HK1: variants seen among roughly 807,000 people sequenced by gnomAD.
HK1 encodes the protein hexokinase-1.
In HK1, 28 loss-of-function variants were observed where a neutral mutation model predicts 91.6. The ratio of observed to expected loss-of-function variants is 0.31; its 90% CI spans 0.23 to 0.42. The LOEUF (loss-of-function observed/expected upper bound fraction) is 0.42, where lower values mean the gene tolerates loss of function less well. Among genes scored for constraint, HK1 ranks in the 10% least tolerant of loss-of-function variants. The pLI, the probability that HK1 is intolerant of heterozygous loss-of-function variation, is 1.00. For missense variants in HK1, 770 were observed against 1,219.8 expected (o/e 0.63, Z 5.49); for synonymous variants, 430 against 468.1 (o/e 0.92, Z 1.05).
At chr10:69,295,842 G>A (rs1245348486) in intron 4 of HK1, among the ~76,000 whole-genome samples, 2 of 152,130 alleles carry the variant, frequency 1.3e-5, no homozygotes, top group Non-Finnish European at 2.9e-5. Flanking sequence ...GCTCCCTGCT[G>A]GACTCAGTAC....
intron 7 of HK1, among the ~76,000 whole-genome samples, chr10:69,370,564 A>G (rs1849945636): frequency 1.3e-5 from 2 of 152,170 alleles, no homozygotes. Flanking sequence ...TTGAGCACTT[A>G]CTATGTGCTG....
chr10:69,392,678 C>T (rs1367693110), intron 15 of HK1, among the ~76,000 whole-genome samples: 1 of 152,160 alleles, frequency 6.6e-6, no homozygotes, highest in Non-Finnish European at 1.5e-5. Flanking sequence ...CTGTCGCAAT[C>T]GTCCTTTCCT....
chr10:69,379,598 G>A (rs1839284991), intron 8 of HK1, among the ~76,000 whole-genome samples: 2 of 152,194 alleles, frequency 1.3e-5, no homozygotes, highest in Admixed American at 1.3e-4. Flanking sequence ...AGGCCACATA[G>A]TCTTGCCTCT....
intron 15 of HK1, among the ~76,000 whole-genome samples, chr10:69,393,727 G>A (rs61387381): frequency 0.11 from 16,750 of 152,220 alleles, 1,565 homozygotes; most frequent in East Asian, 0.42. Context: ...TGATGCTGTC[G>A]CCTACCAAAT....
At chr10:69,276,359 A>G (rs1462282163) in intron 1 of HK1, among the ~76,000 whole-genome samples, 1 of 151,512 alleles carries the variant, frequency 6.6e-6, no homozygotes, top group Non-Finnish European at 1.5e-5. Flanking sequence ...AGGTTAATTT[A>G]TTAGAATATT....
intron 5 of HK1, among the ~76,000 whole-genome samples, chr10:69,304,563 C>T (rs4746840): frequency 0.84 from 127,933 of 152,176 alleles, 54,466 homozygotes; most frequent in Non-Finnish European, 0.91. Context: ...TCGCCTTGGC[C>T]TCCCAAAGCG....
upstream of HK1, among the ~76,000 whole-genome samples, chr10:69,318,681 G>C (rs993144426): frequency 2.0e-5 from 3 of 152,242 alleles, no homozygotes; most frequent in African/African-American, 7.2e-5. Context: ...CTCCCCGGCC[G>C]GGACGCCACC....
At chr10:69,394,822 G>C in intron 15 of HK1, 128 bp from the exon 16 acceptor site, 1 of 905,986 alleles carries the variant, frequency 1.1e-6, no homozygotes, top group Non-Finnish European at 1.8e-6. Context: ...AGAGCACAGG[G>C]CTGGGCACAT....
At chr10:69,297,091 A>G (rs1006573888) in intron 4 of HK1, among the ~76,000 whole-genome samples, 21 of 152,330 alleles carry the variant, frequency 1.4e-4, no homozygotes, top group African/African-American at 5.1e-4. Context: ...CTACTCCCCC[A>G]AAACCAAACT....
At chr10:69,292,846 G>C (rs1158824267) in intron 3 of HK1, among the ~76,000 whole-genome samples, 3 of 152,134 alleles carry the variant, frequency 2.0e-5, no homozygotes, top group Non-Finnish European at 4.4e-5. Context: ...AAGTCCCTAG[G>C]CGTCACCAAT....
intron 5 of HK1, among the ~76,000 whole-genome samples, chr10:69,308,011 G>A (rs1165159022): frequency 1.3e-5 from 2 of 151,864 alleles, no homozygotes; most frequent in South Asian, 4.2e-4. Context: ...CTAATTTTTT[G>A]TATTTTTAAT....
upstream of HK1, among the ~76,000 whole-genome samples, chr10:69,314,860 G>T (rs1846556823): frequency 6.6e-6 from 1 of 152,150 alleles, no homozygotes; most frequent in African/African-American, 2.4e-5. Context: ...TAGAGACAGG[G>T]TTTCACTATG....
intron 1 of HK1, among the ~76,000 whole-genome samples, chr10:69,273,709 T>C (rs1844296933): frequency 6.6e-6 from 1 of 152,254 alleles, no homozygotes; most frequent in Non-Finnish European, 1.5e-5. Context: ...TTTTTTCTGC[T>C]GTGGCCAACC....
At chr10:69,289,924 A>G in intron 3 of HK1, among the ~76,000 whole-genome samples, 1 of 151,970 alleles carries the variant, frequency 6.6e-6, no homozygotes. Flanking sequence ...CCAGCCCAGA[A>G]GCCCGTTCTT....
At chr10:69,292,963 G>T (rs750405112) in intron 3 of HK1, among the ~76,000 whole-genome samples, 1 of 152,192 alleles carries the variant, frequency 6.6e-6, no homozygotes, top group Non-Finnish European at 1.5e-5. Flanking sequence ...TCCCCTGCTA[G>T]TGGTAGGTGG....
chr10:69,389,350 C>T (rs544825856), intron 14 of HK1, 54 bp downstream of exon 14: 45 of 1,345,284 alleles, frequency 3.3e-5, no homozygotes, highest in Admixed American at 9.8e-5. Context: ...GGGGTTTCCC[C>T]GTTTTGTGGG....
chr10:69,347,424 T>C (rs1848618486), intron 2 of HK1, among the ~76,000 whole-genome samples: 1 of 151,070 alleles, frequency 6.6e-6, no homozygotes, highest in East Asian at 2.0e-4. Flanking sequence ...TCTTTGGAAA[T>C]TGAATAGGAG....
intron 5 of HK1, among the ~76,000 whole-genome samples, chr10:69,303,540 C>G (rs900226706): frequency 6.6e-6 from 1 of 152,100 alleles, no homozygotes; most frequent in African/African-American, 2.4e-5. Context: ...CAGCAGTGAC[C>G]GGCCTGTAGA....
chr10:69,294,277 GGTATA>G (rs1435390336), intron 3 of HK1, among the ~76,000 whole-genome samples: 1 of 152,108 alleles, frequency 6.6e-6, no homozygotes, highest in African/African-American at 2.4e-5. Flanking sequence ...TAAAAGCATG[GGTATA>G]GGGAGGAGAA....
Sources: gnomAD v4.1 joint callset for allele counts (sites outside exome capture counted in the v4.1 genomes callset) on GRCh38, gnomAD v4.1.1 for gene constraint, MANE v1.5 for transcripts, NCBI Gene and HGNC (gene_info 2026-07-23, HGNC 2026-07-21) for gene names.